The following ADAP2 variants were observed in gnomAD, a reference collection of about 807,000 sequenced individuals.
ADAP2 encodes ArfGAP with dual PH domains 2.
ADAP2 carries 42 observed loss-of-function variants against 54.9 expected under a neutral mutation model. That is an observed-to-expected ratio of 0.77 (90% confidence interval 0.60 to 0.99). The LOEUF (loss-of-function observed/expected upper bound fraction) is 0.99, where lower values mean the gene tolerates loss of function less well. ADAP2 is among the 50% of genes least tolerant of loss of function. The pLI, the probability that ADAP2 is intolerant of heterozygous loss-of-function variation, is 0.00. For missense variants in ADAP2, 429 were observed against 480.4 expected (o/e 0.89, Z 1.00); for synonymous variants, 177 against 180.1 (o/e 0.98, Z 0.14).
intron 5 of ADAP2, among the ~76,000 whole-genome samples, chr17:30,939,644 G>A (rs573309027): frequency 2.0e-5 from 3 of 151,888 alleles, no homozygotes; most frequent in South Asian, 2.1e-4. Flanking sequence ...GGTGGCAGGC[G>A]CCTGTAGTCG....
Position 30,958,088 on chromosome 17 carries a change from C to A in ADAP2, c.*219C>A. ...TCTGAGGATCTGGTGCATAGATGAA[C>A]ATCTATCCCCTCCTCCCCCATACAC... On this transcript the variant is annotated 3_prime_UTR_variant, in exon 11 of 11. Coordinates refer to ENST00000330889, the MANE Select transcript of ADAP2 (RefSeq NM_018404.3). 1.7e-6 allele frequency: 1 copy of A among 593,920 alleles called. No homozygotes were observed. The highest frequency in any genetic ancestry group is 3.0e-6 in the Non-Finnish European group (1 of 329,398). The allele number at this position is 593,920 out of a possible 1,614,324, so 36.8% of individuals were successfully genotyped here.
At position 30,922,995 on chromosome 17, in the gene ADAP2, C is replaced by T. The variant is rs1326916888; in HGVS notation, c.150C>T (p.Gly50=). 1 of 1,614,038 alleles carries T rather than the reference C, an allele frequency of 6.2e-7. No individual in the cohort carries two copies. The highest frequency in any genetic ancestry group is 8.5e-7 in the Non-Finnish European group (1 of 1,179,966). ...LGIFICLNCC[G]VHRNFPDISR... ...TCTTCATCTGTCTCAACTGCTGCGG[C>T]GTCCACCGTAACTTCCCTGACATCA... is the stretch of plus-strand genomic sequence containing the variant. The change falls in exon 2 of 11, where the codon GGC becomes GGT. Residue 50 remains glycine (G), a synonymous_variant. Coordinates refer to ENST00000330889, the MANE Select transcript of ADAP2 (RefSeq NM_018404.3).
intron 2 of ADAP2, among the ~76,000 whole-genome samples, chr17:30,924,678 G>T (rs1910892803): frequency 6.6e-6 from 1 of 152,122 alleles, no homozygotes; most frequent in Non-Finnish European, 1.5e-5. Context: ...GACAGCACCG[G>T]ACTGGAGGCT....
chr17:30,939,673 AG>A (rs1203928501), intron 5 of ADAP2, among the ~76,000 whole-genome samples: 1 of 150,004 alleles, frequency 6.7e-6, no homozygotes, highest in Non-Finnish European at 1.5e-5. Context: ...CAGGAGGCTG[AG>A]GCAGGAGAAT....
intron 3 of ADAP2, 38 bp from the exon 4 acceptor site, chr17:30,931,851 G>C (rs370109668): frequency 3.6e-6 from 5 of 1,378,056 alleles, no homozygotes; most frequent in Non-Finnish European, 5.1e-6. Flanking sequence ...AAAAGAGAAT[G>C]CATCAAACGC....
chr17:30,927,094 G>C (rs1911112403), intron 3 of ADAP2, among the ~76,000 whole-genome samples, 176 bp downstream of exon 3: 1 of 152,114 alleles, frequency 6.6e-6, no homozygotes, highest in African/African-American at 2.4e-5. Flanking sequence ...ACTGGTATAA[G>C]CCTCTTTCTG....
chr17:30,933,818 G>A (rs1357712499), intron 4 of ADAP2, among the ~76,000 whole-genome samples: 3 of 152,178 alleles, frequency 2.0e-5, no homozygotes, highest in African/African-American at 7.2e-5. Context: ...AGTTTCATTA[G>A]GTTGATGTCA....
chr17:30,948,914 C>T (rs1266336811), intron 6 of ADAP2, among the ~76,000 whole-genome samples: 2 of 152,222 alleles, frequency 1.3e-5, no homozygotes, highest in Non-Finnish European at 2.9e-5. Flanking sequence ...GTTAGGAATG[C>T]AGAGTCTTGG....
chr17:30,927,341 C>T (rs534300474), intron 3 of ADAP2, among the ~76,000 whole-genome samples: 12 of 152,206 alleles, frequency 7.9e-5, no homozygotes, highest in East Asian at 1.9e-4. Flanking sequence ...TGGCCAGGCA[C>T]GGTGGCTCAG....
At chr17:30,922,727 T>G (rs1452573934) in intron 1 of ADAP2, among the ~76,000 whole-genome samples, 1 of 152,162 alleles carries the variant, frequency 6.6e-6, no homozygotes, top group African/African-American at 2.4e-5. Context: ...TCGCGCAGCC[T>G]CAGACTCTCT....
At chr17:30,947,225 T>C (rs1912742420) in intron 6 of ADAP2, among the ~76,000 whole-genome samples, 1 of 152,028 alleles carries the variant, frequency 6.6e-6, no homozygotes, top group Admixed American at 6.5e-5. Flanking sequence ...AACAAAACTT[T>C]AGGAGCAAAC....
chr17:30,948,219 C>CT (rs1598050784), intron 6 of ADAP2, among the ~76,000 whole-genome samples: 3 of 151,868 alleles, frequency 2.0e-5, no homozygotes, highest in Admixed American at 2.0e-4. Context: ...GAACTTAAGA[C>CT]TTTTTTTTCT....
At chr17:30,940,929 T>C (rs1912227822) in intron 5 of ADAP2, among the ~76,000 whole-genome samples, 1 of 152,212 alleles carries the variant, frequency 6.6e-6, no homozygotes. Flanking sequence ...CCTTTGTTCT[T>C]GACTGGTCTG....
chr17:30,939,777 A>G (rs957344231), intron 5 of ADAP2, among the ~76,000 whole-genome samples: 26 of 152,106 alleles, frequency 1.7e-4, no homozygotes, highest in Middle Eastern at 3.4e-3. Flanking sequence ...TTTCCAAAAA[A>G]AAAAAAAAAA....
At chr17:30,955,360 T>C (rs906230953) in intron 9 of ADAP2, among the ~76,000 whole-genome samples, 2 of 151,906 alleles carry the variant, frequency 1.3e-5, no homozygotes, top group Non-Finnish European at 2.9e-5. Flanking sequence ...GGAGGATCGC[T>C]TGAGCCCAGA....
chr17:30,925,183 ATTTTT>A (rs57259969), intron 2 of ADAP2, among the ~76,000 whole-genome samples: 1 of 98,142 alleles, frequency 1.0e-5, no homozygotes, highest in Non-Finnish European at 2.0e-5. Context: ...CGTGCCCAGC[ATTTTT>A]TTTTTTTTTT....
chr17:30,922,187 C>G (rs1910664726), intron 1 of ADAP2, 79 bp downstream of exon 1: 2 of 1,068,224 alleles, frequency 1.9e-6, no homozygotes, highest in African/African-American at 3.3e-5. Context: ...TCGGCCCCAC[C>G]GGGTCCCGCC....
At chr17:30,936,644 C>T (rs772026268) in intron 5 of ADAP2, among the ~76,000 whole-genome samples, 5 of 152,082 alleles carry the variant, frequency 3.3e-5, no homozygotes, top group African/African-American at 7.2e-5. Flanking sequence ...TGGCCGGGCG[C>T]GGTGGCTCAC....
intron 3 of ADAP2, among the ~76,000 whole-genome samples, chr17:30,927,185 T>G (rs1016318931): frequency 1.3e-5 from 2 of 152,102 alleles, no homozygotes; most frequent in African/African-American, 4.8e-5. Flanking sequence ...TTCTGTATGA[T>G]CTCTATGATT....
Sources: gnomAD v4.1 joint callset for allele counts (sites outside exome capture counted in the v4.1 genomes callset) on GRCh38, gnomAD v4.1.1 for gene constraint, MANE v1.5 for transcripts, NCBI Gene and HGNC (gene_info 2026-07-23, HGNC 2026-07-21) for gene names.